Variants in ERP29 observed in about 807,000 individuals in gnomAD.
ERP29 encodes the protein endoplasmic reticulum resident protein 29.
In ERP29, 14 loss-of-function variants were observed where a neutral mutation model predicts 21.7. The ratio of observed to expected loss-of-function variants is 0.64; its 90% confidence interval spans 0.43 to 1.01. The LOEUF is 1.01. Ranked by LOEUF, ERP29 falls within the 50% of genes least tolerant of loss-of-function variation. ERP29 has a pLI of 0.00. For synonymous variants in ERP29, 129 were observed against 139.1 expected (o/e 0.93, Z 0.51); for missense variants, 286 against 327.3 (o/e 0.87, Z 0.97).
At chr12:112,014,327 G>A (rs1159070113) in intron 1 of ERP29, among the ~76,000 whole-genome samples, 1 of 152,188 alleles carries the variant, frequency 6.6e-6, no homozygotes, top group Non-Finnish European at 1.5e-5. Context: ...GACCTTTATT[G>A]TGAACTACGC....
Position 112,022,710 on chromosome 12 carries a change from G to A in ERP29, c.*58G>A. 1 of 1,520,900 alleles carries A rather than the reference G, an allele frequency of 6.6e-7. No individual in the cohort carries two copies. The highest frequency in any genetic ancestry group is 1.3e-5 in the South Asian group (1 of 78,288). The allele number at this position is 1,520,900 out of a possible 1,614,324, so 94.2% of individuals were successfully genotyped here. ...GGGGTAGGGAGGGGAGAGTTAACCT[G>A]CTGGCTGTGAGTCCCTTGTGGAATA... On this transcript the variant is annotated 3_prime_UTR_variant, in exon 3 of 3. Coordinates refer to ENST00000261735, the MANE Select transcript of ERP29 (RefSeq NM_006817.4).
Position 112,022,240 on chromosome 12 carries a change from A to T in ERP29, c.374A>T (p.Asp125Val). The T allele has an allele frequency of 1.2e-6, 2 of 1,613,840 alleles. No homozygotes were observed. Among genetic ancestry groups the T allele is most frequent in the Non-Finnish European group, 1.7e-6 (2 of 1,179,864 alleles). Residue 125 changes from aspartate to valine, a missense_variant, in exon 3 of 3, where the codon GAC becomes GTC. Coordinates refer to ENST00000261735, the MANE Select transcript of ERP29 (RefSeq NM_006817.4). ...YPVFYLFRDGDFENPVPYTGA... is the reference protein window; with the variant it reads ...YPVFYLFRDGVFENPVPYTGA... ...GTCTTCTACCTCTTCCGGGATGGGG[A>T]CTTTGAGAACCCAGTCCCATACACT... is the stretch of plus-strand genomic sequence containing the variant.
rs142925593 is a variant in ERP29, at chr12:112,021,320, G to A, written c.284-830G>A. ...TGAGACACTCTTCCCAAATCTTCAC[G>A]TAGCTTGCTCCAGGACATTCAGGTC... On this transcript the variant is annotated intron_variant, in intron 2 of 2. Coordinates refer to ENST00000261735, the MANE Select transcript of ERP29 (RefSeq NM_006817.4). Among the ~76,000 whole-genome samples, 23 of 152,188 alleles carry A rather than the reference G, an allele frequency of 1.5e-4. No homozygotes were observed. In the East Asian group the frequency reaches 3.7e-3, roughly 24 times the overall value.
rs747076571 is a variant in ERP29, at chr12:112,022,643, G to A, written c.777G>A (p.Glu259=). ...TAFQKKGAEK[E]EL ...TCCAGAAGAAGGGGGCCGAGAAAGA[G>A]GAGCTGTAAAAAGGCTGTCTGTGAT... The change falls in exon 3 of 3, where the codon GAG becomes GAA. Residue 259 remains glutamate, a synonymous_variant. Transcript: ENST00000261735. The A allele has an allele frequency of 6.2e-7, 1 of 1,607,176 alleles. No individual in the cohort carries two copies. Among genetic ancestry groups the A allele is most frequent in the Non-Finnish European group, 8.5e-7 (1 of 1,176,776 alleles).
chr12:112,017,229 A>G (rs1005367519), intron 1 of ERP29, among the ~76,000 whole-genome samples: 1 of 152,202 alleles, frequency 6.6e-6, no homozygotes, highest in African/African-American at 2.4e-5. Flanking sequence ...GTTGAGCACT[A>G]GGGATACAGC....
chr12:112,022,487 G>A lies in ERP29; in HGVS notation c.621G>A (p.Gly207=), dbSNP rs1427756462. 2.5e-6 allele frequency: 4 copies of A among 1,614,118 alleles called. No homozygotes were observed. The highest frequency in any genetic ancestry group is 3.4e-6 in the Non-Finnish European group (4 of 1,179,956). The change falls in exon 3 of 3, where the codon GGG becomes GGA. Residue 207 remains glycine, a synonymous_variant. Transcript: ENST00000261735. ...KWAEQYLKIM[G]KILDQGEDFP... ...CCGAGCAATACCTGAAGATCATGGG[G>A]AAGATCTTAGACCAAGGGGAGGACT...
chr12:112,020,214 G>T (rs1221841765), intron 2 of ERP29, among the ~76,000 whole-genome samples: 1 of 152,114 alleles, frequency 6.6e-6, no homozygotes, highest in Admixed American at 6.5e-5. Flanking sequence ...GGCAGAGGGG[G>T]TGCTATGTCC....
At chr12:112,019,684 G>A in intron 1 of ERP29, 72 bp from the exon 2 acceptor site, 1 of 1,565,790 alleles carries the variant, frequency 6.4e-7, no homozygotes, top group Non-Finnish European at 8.8e-7. Context: ...CTTAAACAGG[G>A]GCCCCTTGGG....
intron 1 of ERP29, among the ~76,000 whole-genome samples, chr12:112,017,143 G>T (rs1270003759): frequency 6.6e-6 from 1 of 152,124 alleles, no homozygotes; most frequent in African/African-American, 2.4e-5. Context: ...CCAACATGTA[G>T]CATCTGCTAC....
At position 112,019,798 on chromosome 12, in the gene ERP29, C is replaced by A; in HGVS notation, c.187C>A (p.Gln63Lys). The change falls in exon 2 of 3, where the codon CAG becomes AAG. Residue 63 changes from glutamine to lysine, a missense_variant. Physicochemically the swap from Gln to Lys is moderately conservative, Grantham distance 53. Coordinates refer to ENST00000261735, the MANE Select transcript of ERP29 (RefSeq NM_006817.4). Reference sequence around the variant, plus strand: ...GTTCGTCTTGGTGAAGTTCGACACCCAGTACCCCTACGGTGAGAAGCAGGA... The same window carrying A: ...GTTCGTCTTGGTGAAGTTCGACACCAAGTACCCCTACGGTGAGAAGCAGGA... The part of the protein sequence containing the change: ...SKFVLVKFDT[Q>K]YPYGEKQDEF... 6.2e-7 allele frequency: 1 copy of A among 1,614,110 alleles called. No individual in the cohort carries two copies. The highest frequency in any genetic ancestry group is 8.5e-7 in the Non-Finnish European group (1 of 1,180,030).
intron 2 of ERP29, among the ~76,000 whole-genome samples, chr12:112,021,091 A>G (rs2078041779): frequency 6.6e-6 from 1 of 152,234 alleles, no homozygotes; most frequent in South Asian, 2.1e-4. Flanking sequence ...GCTACCACAT[A>G]TTAAGCATAT....
intron 1 of ERP29, among the ~76,000 whole-genome samples, chr12:112,015,629 A>G (rs1430374447): frequency 1.3e-5 from 2 of 152,176 alleles, no homozygotes; most frequent in Non-Finnish European, 2.9e-5. Flanking sequence ...ATCAGATAAT[A>G]TCACAGAACA....
chr12:112,015,988 C>T (rs938006823), intron 1 of ERP29, among the ~76,000 whole-genome samples: 2 of 152,060 alleles, frequency 1.3e-5, no homozygotes, highest in African/African-American at 4.8e-5. Context: ...AGAGTTCTTC[C>T]TTGATTTATC....
chr12:112,017,771 ATCTTTTTTTT>A (rs769933985), intron 1 of ERP29, among the ~76,000 whole-genome samples: 18 of 146,200 alleles, frequency 1.2e-4, no homozygotes, highest in African/African-American at 3.9e-4. Flanking sequence ...AGAACATTGT[ATCTTTTTTTT>A]TCTTTTTTTT....
chr12:112,013,453 G>A lies in ERP29; in HGVS notation c.-13G>A. ...TATCGCTTACCTACCTCCCTCTGCAGGAACCCGGCGATATGGCTGCCGCTG... is the reference window on the plus strand; with the variant it reads ...TATCGCTTACCTACCTCCCTCTGCAAGAACCCGGCGATATGGCTGCCGCTG... On this transcript the variant is annotated 5_prime_UTR_variant, in exon 1 of 3. Transcript: ENST00000261735. 6.2e-7 allele frequency: 1 copy of A among 1,606,914 alleles called. No individual in the cohort carries two copies.
intron 1 of ERP29, 38 bp downstream of exon 1, chr12:112,013,647 G>A (rs1208071226): frequency 6.7e-6 from 10 of 1,503,370 alleles, no homozygotes; most frequent in Admixed American, 4.8e-5. Flanking sequence ...AGGTGCCGCC[G>A]GGGCGCCCGG....
At chr12:112,017,408 G>A (rs2078017984) in intron 1 of ERP29, among the ~76,000 whole-genome samples, 1 of 152,220 alleles carries the variant, frequency 6.6e-6, no homozygotes, top group South Asian at 2.1e-4. Context: ...GGTCTGATTG[G>A]AGGAGTCCCC....
At chr12:112,020,907 T>C (rs1289144359) in intron 2 of ERP29, among the ~76,000 whole-genome samples, 3 of 152,164 alleles carry the variant, frequency 2.0e-5, no homozygotes, top group African/African-American at 4.8e-5. Context: ...TTGCTCAAGA[T>C]TGTGGAATTG....
At chr12:112,019,622 A>G in intron 1 of ERP29, 134 bp from the exon 2 acceptor site, 1 of 1,002,980 alleles carries the variant, frequency 1.0e-6, no homozygotes, top group Non-Finnish European at 1.6e-6. Context: ...GAATGAATAA[A>G]TATTAGTTTG....
Sources: allele counts gnomAD v4.1 joint callset (sites outside exome capture counted in the v4.1 genomes callset), GRCh38; gene constraint gnomAD v4.1.1; transcripts MANE v1.5; gene names NCBI Gene and HGNC (gene_info 2026-07-23, HGNC 2026-07-21).